HELZ: variants seen among roughly 807,000 people sequenced by gnomAD.
HELZ encodes ATP-dependent RNA helicase with zinc finger domain.
HELZ carries 23 observed loss-of-function variants against 218.2 expected under a neutral mutation model. That is an observed-to-expected ratio of 0.11 (90% CI 0.08 to 0.15). HELZ has a LOEUF of 0.15. Ranked by LOEUF, HELZ falls within the 10% of genes least tolerant of loss-of-function variation. The pLI is 1.00. For missense variants in HELZ, 1,813 were observed against 2,353.7 expected (o/e 0.77, Z 4.75); for synonymous variants, 814 against 829.4 (o/e 0.98, Z 0.32).
chr17:67,086,631 A>AATATAAATATATATATATATATATATAT (rs914625902), intron 32 of HELZ, among the ~76,000 whole-genome samples, 198 bp downstream of exon 32: 1 of 93,318 alleles, frequency 1.1e-5, no homozygotes, highest in Admixed American at 1.2e-4. Flanking sequence ...TATAAATATA[A>AATATAAATATATATATATATATATATAT]ATATATATAT....
intron 28 of HELZ, among the ~76,000 whole-genome samples, chr17:67,113,044 A>C (rs2037327296): frequency 6.6e-6 from 1 of 152,218 alleles, no homozygotes; most frequent in Admixed American, 6.5e-5. Context: ...AGAGCAAATA[A>C]GAGGTGAGGA....
rs899200407 is a variant in HELZ at position 67,186,976 on chromosome 17, T to C, written c.1162+1343A>G. ...CATTGTTTTTGAAAATAAAGTTTTA[T>C]TGGAACACAGTCACACCCATTTGCT... On this transcript the variant is annotated intron_variant, in intron 12 of 32. Transcript: ENST00000358691. Among the ~76,000 whole-genome samples, 5 of 152,170 alleles carry C rather than the reference T, an allele frequency of 3.3e-5. No homozygotes were observed. In the South Asian group the frequency reaches 6.2e-4, roughly 19 times the overall value.
At chr17:67,224,800 C>T in intron 3 of HELZ, 1 of 1,173,632 alleles carries the variant, frequency 8.5e-7, no homozygotes, top group Non-Finnish European at 1.2e-6. Context: ...CAAAACGACA[C>T]AGTACAAGGG....
chr17:67,096,421 C>A (rs1023110947), intron 31 of HELZ, among the ~76,000 whole-genome samples: 9 of 152,204 alleles, frequency 5.9e-5, no homozygotes, highest in Admixed American at 2.6e-4. Flanking sequence ...TTCCTCTCTA[C>A]CTGAGAAAGT....
intron 13 of HELZ, 33 bp from the exon 14 acceptor site, chr17:67,167,829 T>A (rs1227171670): frequency 1.5e-6 from 2 of 1,375,558 alleles, no homozygotes; most frequent in Non-Finnish European, 2.0e-6. Context: ...GTTTGAATAT[T>A]TTACATCAAA....
chr17:67,217,643 C>G lies in HELZ; in HGVS notation c.210+952G>C, dbSNP rs57955484. Among the ~76,000 whole-genome samples, 149 of 152,276 alleles carry G rather than the reference C, an allele frequency of 9.8e-4. 1 individual carries two copies. The highest frequency in any genetic ancestry group is 3.5e-3 in the African/African-American group (147 of 41,544). ...CTCCACCGCGTGCACTCTACTCTGG[C>G]CACACTAACTCCTAGCTGCTACTCA... On this transcript the variant is annotated intron_variant, in intron 4 of 32. Transcript: ENST00000358691.
At chr17:67,131,115 T>C (rs953194747) in intron 23 of HELZ, among the ~76,000 whole-genome samples, 1 of 152,176 alleles carries the variant, frequency 6.6e-6, no homozygotes, top group Non-Finnish European at 1.5e-5. Context: ...TTCAAACTCC[T>C]GGCCTCAAGT....
chr17:67,171,889 T>C (rs181804810), intron 13 of HELZ, among the ~76,000 whole-genome samples: 120 of 152,088 alleles, frequency 7.9e-4, no homozygotes, highest in Non-Finnish European at 1.2e-4. Context: ...TGGAGTTCAA[T>C]GGCCCCATCT....
chr17:67,080,633 A>G (rs1408425383), intron 32 of HELZ, among the ~76,000 whole-genome samples: 5 of 152,242 alleles, frequency 3.3e-5, no homozygotes, highest in Non-Finnish European at 7.3e-5. Flanking sequence ...TAGACCCATG[A>G]AAGTATACAG....
chr17:67,104,438 C>CA (rs139016691), intron 31 of HELZ, among the ~76,000 whole-genome samples: 38,834 of 119,508 alleles, frequency 0.32, 6,483 homozygotes, highest in East Asian at 0.65. Flanking sequence ...GACGCCATTT[C>CA]AAAAAAAAAA....
intron 24 of HELZ, among the ~76,000 whole-genome samples, chr17:67,124,548 C>T (rs766146666): frequency 2.6e-5 from 4 of 152,182 alleles, no homozygotes; most frequent in Non-Finnish European, 5.9e-5. Context: ...AAAAGGGGAA[C>T]TGTCATTATT....
intron 3 of HELZ, among the ~76,000 whole-genome samples, chr17:67,227,900 G>A (rs1341072909): frequency 6.6e-6 from 1 of 152,130 alleles, no homozygotes; most frequent in Non-Finnish European, 1.5e-5. Context: ...GATCTCAAAA[G>A]ACCAAATCCT....
chr17:67,219,634 A>G (rs1366195983), intron 3 of HELZ, among the ~76,000 whole-genome samples: 3 of 98,694 alleles, frequency 3.0e-5, no homozygotes, highest in Middle Eastern at 5.0e-3. Flanking sequence ...GAGGAGTAAG[A>G]GAAGCTATGA....
At chr17:67,191,720 G>C (rs561147169) in intron 9 of HELZ, among the ~76,000 whole-genome samples, 8 of 149,626 alleles carry the variant, frequency 5.3e-5, no homozygotes, top group Non-Finnish European at 8.9e-5. Context: ...CCAAAGAGCT[G>C]GGATTACAGG....
At chr17:67,170,754 G>A (rs756038291) in intron 13 of HELZ, among the ~76,000 whole-genome samples, 6 of 150,974 alleles carry the variant, frequency 4.0e-5, no homozygotes, top group Non-Finnish European at 7.4e-5. Flanking sequence ...TTAAACCCAG[G>A]AGGTAGAGGC....
At chr17:67,197,666 G>A (rs1192307856) in intron 7 of HELZ, among the ~76,000 whole-genome samples, 1 of 152,176 alleles carries the variant, frequency 6.6e-6, no homozygotes, top group African/African-American at 2.4e-5. Flanking sequence ...AGTATCCCAA[G>A]ATGAAATCTG....
rs371525557 is a variant in HELZ, at chr17:67,167,554, G to C, written c.1673C>G (p.Thr558Ser). Residue 558 changes from threonine to serine, a missense_variant, in exon 14 of 33, where the codon ACT becomes AGT. Transcript: ENST00000358691. The stretch of plus-strand genomic sequence containing the variant: ...ATATTCCTTTGTTTTTTCTTCAATA[G>C]TAGCTTCATAAACCTTCTCTTTGGT... ...QGTKEKVYEA[T>S]IEEKTKEYIF... is the part of the protein sequence containing the mutation. 6.2e-7 allele frequency: 1 copy of C among 1,613,428 alleles called. No individual in the cohort carries two copies.
Position 67,178,848 on chromosome 17 carries a change from A to G in HELZ, c.1241T>C (p.Ile414Thr), listed in dbSNP as rs753397557. 2.8e-5 allele frequency: 45 copies of G among 1,613,564 alleles called. No homozygotes were observed. The highest frequency in any genetic ancestry group is 3.6e-5 in the Non-Finnish European group (43 of 1,179,518). ...AGTAGTTTCATTAGGTTCAAAATCT[A>G]TAATAGTCTTAGAGGAAGAATCCCA... is the stretch of plus-strand genomic sequence containing the variant. ...KRWDSSSKTIIDFEPNETTDL... is the reference protein window; with the variant it reads ...KRWDSSSKTITDFEPNETTDL... The change falls in exon 13 of 33, where the codon ATA becomes ACA. Residue 414 changes from isoleucine to threonine, a missense_variant. Coordinates refer to ENST00000358691, the MANE Select transcript of HELZ (RefSeq NM_014877.4).
chr17:67,135,581 C>A (rs116109061), intron 23 of HELZ, among the ~76,000 whole-genome samples: 441 of 152,286 alleles, frequency 2.9e-3, no homozygotes, highest in African/African-American at 0.01. Flanking sequence ...TTCAACTTAC[C>A]ATGTAAAATA....
Sources: allele counts gnomAD v4.1 joint callset (sites outside exome capture counted in the v4.1 genomes callset), GRCh38; gene constraint gnomAD v4.1.1; transcripts MANE v1.5; gene names NCBI Gene and HGNC (gene_info 2026-07-23, HGNC 2026-07-21).